The following CORIN variants were observed in gnomAD, a reference collection of about 807,000 sequenced individuals.
CORIN encodes the protein corin, serine peptidase.
CORIN carries 117 observed loss-of-function variants against 125.3 expected under a neutral mutation model. The ratio of observed to expected loss-of-function variants is 0.93; its 90% confidence interval spans 0.80 to 1.09. CORIN has a LOEUF of 1.09. CORIN is among the 50% of genes least tolerant of loss of function. The pLI, the probability that CORIN is intolerant of heterozygous loss-of-function variation, is 0.00. For missense variants in CORIN, 1,253 were observed against 1,306.7 expected, an observed-to-expected ratio of 0.96 and a Z score of 0.63; for synonymous variants, 450 against 466.4, an observed-to-expected ratio of 0.96 and a Z score of 0.45.
chr4:47,607,564 T>C (rs557027763), intron 19 of CORIN, among the ~76,000 whole-genome samples: 18 of 152,062 alleles, frequency 1.2e-4, no homozygotes, highest in Non-Finnish European at 2.4e-4. Flanking sequence ...TCAACCCGGG[T>C]ATGGCAGAAA....
intron 4 of CORIN, among the ~76,000 whole-genome samples, chr4:47,752,409 C>T (rs762354132): frequency 8.5e-5 from 13 of 152,150 alleles, no homozygotes; most frequent in South Asian, 2.1e-4. Flanking sequence ...ATGAATCACA[C>T]GCAGAGGTGA....
At chr4:47,701,559 G>A (rs972576945) in intron 5 of CORIN, among the ~76,000 whole-genome samples, 4 of 152,124 alleles carry the variant, frequency 2.6e-5, no homozygotes, top group Non-Finnish European at 5.9e-5. Flanking sequence ...GTAACTGGTG[G>A]CACTTTGATA....
At chr4:47,774,275 C>T (rs948468630) in intron 3 of CORIN, among the ~76,000 whole-genome samples, 1 of 152,096 alleles carries the variant, frequency 6.6e-6, no homozygotes, top group Non-Finnish European at 1.5e-5. Flanking sequence ...CTCCACTGGC[C>T]GAAGTCGGTG....
intron 19 of CORIN, among the ~76,000 whole-genome samples, chr4:47,621,953 C>T (rs1407367819): frequency 1.4e-5 from 2 of 147,680 alleles, no homozygotes; most frequent in East Asian, 2.0e-4. Context: ...CACCCACTAA[C>T]TCGTCATCTA....
intron 10 of CORIN, among the ~76,000 whole-genome samples, chr4:47,673,227 T>TAAA (rs1433779061): frequency 1.4e-5 from 2 of 144,924 alleles, no homozygotes; most frequent in South Asian, 2.2e-4. Context: ...AATAAATAAA[T>TAAA]TAGCTGGGTG....
chr4:47,750,487 C>T (rs114155070), intron 4 of CORIN, among the ~76,000 whole-genome samples: 179 of 152,232 alleles, frequency 1.2e-3, no homozygotes, highest in African/African-American at 4.1e-3. Flanking sequence ...GGGCTCTGAT[C>T]ACCTACAGAA....
At chr4:47,807,638 A>T (rs1731850899) in intron 1 of CORIN, among the ~76,000 whole-genome samples, 1 of 152,330 alleles carries the variant, frequency 6.6e-6, no homozygotes. Context: ...AACAACTCTG[A>T]GGACATCCTC....
chr4:47,754,992 C>G (rs1729070610), intron 4 of CORIN, among the ~76,000 whole-genome samples: 1 of 152,180 alleles, frequency 6.6e-6, no homozygotes, highest in African/African-American at 2.4e-5. Context: ...CATCTTGTTT[C>G]ATGAGTTTTT....
intron 16 of CORIN, among the ~76,000 whole-genome samples, chr4:47,639,933 G>A (rs905985692): frequency 2.6e-5 from 4 of 152,102 alleles, no homozygotes; most frequent in Non-Finnish European, 5.9e-5. Context: ...AAACTTCAAG[G>A]CAACTAAAAA....
chr4:47,717,138 T>C (rs571516608), intron 5 of CORIN, among the ~76,000 whole-genome samples: 54 of 152,300 alleles, frequency 3.5e-4, no homozygotes, highest in African/African-American at 1.2e-3. Flanking sequence ...ATGTTAAAAC[T>C]CAAAAATCTC....
At chr4:47,820,582 A>G (rs1364283950) in intron 1 of CORIN, among the ~76,000 whole-genome samples, 1 of 152,164 alleles carries the variant, frequency 6.6e-6, no homozygotes, top group Non-Finnish European at 1.5e-5. Flanking sequence ...CAAGCTGTGA[A>G]ATTAATATAA....
intron 19 of CORIN, among the ~76,000 whole-genome samples, chr4:47,604,358 C>T (rs939578207): frequency 6.6e-6 from 1 of 152,162 alleles, no homozygotes; most frequent in South Asian, 2.1e-4. Flanking sequence ...TATTCTCACT[C>T]CATACTCCCT....
At chr4:47,632,777 T>TAGA (rs1560481561) in intron 16 of CORIN, among the ~76,000 whole-genome samples, 1 of 118,506 alleles carries the variant, frequency 8.4e-6, no homozygotes, top group Non-Finnish European at 1.7e-5. Context: ...AGATAGATAG[T>TAGA]TAGATAGATT....
In CORIN at chr4:47,623,632, T is replaced by C. The variant is rs761978477; in HGVS notation, c.2479A>G (p.Ile827Val). ...TTGGCAATGAGGACACAGCCACAGA[T>C]ATGTCCACTGGGTTCACTCTGCAGA... ...CSLQSEPSGHICGCVLIAKKW... is the reference protein window; with the variant it reads ...CSLQSEPSGHVCGCVLIAKKW... The change falls in exon 19 of 22, where the codon ATC becomes GTC. Residue 827 changes from isoleucine to valine, a missense_variant. Ile to Val is a conservative substitution (Grantham distance 29). Coordinates refer to ENST00000273857, the MANE Select transcript of CORIN (RefSeq NM_006587.4). The C allele has an allele frequency of 6.2e-7, 1 of 1,614,216 alleles. No individual in the cohort carries two copies. Among genetic ancestry groups the C allele is most frequent in the Non-Finnish European group, 8.5e-7 (1 of 1,180,038 alleles).
At chr4:47,824,614 G>A (rs566638759) in intron 1 of CORIN, among the ~76,000 whole-genome samples, 25 of 152,228 alleles carry the variant, frequency 1.6e-4, no homozygotes, top group African/African-American at 5.8e-4. Context: ...GAGCCACCAT[G>A]CCCCAGGTTC....
At chr4:47,828,187 A>G (rs1488213615) in intron 1 of CORIN, among the ~76,000 whole-genome samples, 1 of 152,194 alleles carries the variant, frequency 6.6e-6, no homozygotes, top group African/African-American at 2.4e-5. Context: ...TTCCTGACAC[A>G]GGACTCCTTA....
At chr4:47,772,325 T>G (rs1730083023) in intron 3 of CORIN, among the ~76,000 whole-genome samples, 1 of 152,200 alleles carries the variant, frequency 6.6e-6, no homozygotes, top group Non-Finnish European at 1.5e-5. Flanking sequence ...AAGAGGCAGA[T>G]GAAGAATATT....
At chr4:47,700,011 G>T (rs139211529) in intron 5 of CORIN, among the ~76,000 whole-genome samples, 7 of 152,284 alleles carry the variant, frequency 4.6e-5, no homozygotes, top group Admixed American at 4.6e-4. Flanking sequence ...GATTAAAGGG[G>T]TGTATTCAGT....
chr4:47,775,393 C>T (rs537766983), intron 3 of CORIN, among the ~76,000 whole-genome samples: 1 of 152,038 alleles, frequency 6.6e-6, no homozygotes. Context: ...GACGGGCCCC[C>T]GTGTGTGATG....
Sources: gnomAD v4.1 joint callset for allele counts (sites outside exome capture counted in the v4.1 genomes callset) on GRCh38, gnomAD v4.1.1 for gene constraint, MANE v1.5 for transcripts, NCBI Gene and HGNC (gene_info 2026-07-23, HGNC 2026-07-21) for gene names.